The following DLG2 variants were observed in gnomAD, a reference collection of about 807,000 sequenced individuals.
The protein encoded by DLG2 is disks large homolog 2.
DLG2 carries 45 observed loss-of-function variants against 132.5 expected under a neutral mutation model. The ratio of observed to expected loss-of-function variants is 0.34; its 90% CI spans 0.27 to 0.44. The LOEUF is 0.44. DLG2 is among the 20% of genes least tolerant of loss of function. The pLI is 1.00. For missense variants in DLG2, 1,045 were observed against 1,196.9 expected (o/e 0.87, Z 1.87); for synonymous variants, 424 against 419.6 (o/e 1.01, Z -0.13).
chr11:84,434,172 C>T (rs1211529878), intron 7 of DLG2, among the ~76,000 whole-genome samples: 1 of 150,014 alleles, frequency 6.7e-6, no homozygotes, highest in African/African-American at 2.5e-5. Context: ...CTACACTTAA[C>T]CAATGATAGA....
intron 6 of DLG2, among the ~76,000 whole-genome samples, chr11:84,693,672 C>T (rs1240027867): frequency 2.6e-5 from 4 of 151,656 alleles, no homozygotes; most frequent in Admixed American, 2.6e-4. Context: ...TCTCACCTGG[C>T]TTATACACTC....
At chr11:84,538,568 C>G (rs2099360869) in intron 6 of DLG2, among the ~76,000 whole-genome samples, 1 of 152,048 alleles carries the variant, frequency 6.6e-6, no homozygotes, top group African/African-American at 2.4e-5. Context: ...TATTTCTGCA[C>G]AGTTCCTTTG....
intron 4 of DLG2, among the ~76,000 whole-genome samples, chr11:85,167,586 C>T (rs1167094011): frequency 6.6e-6 from 1 of 152,082 alleles, no homozygotes; most frequent in Non-Finnish European, 1.5e-5. Flanking sequence ...ACAAGAAGAA[C>T]CTGAACAAAC....
intron 10 of DLG2, among the ~76,000 whole-genome samples, chr11:84,087,453 T>C (rs34846175): frequency 0.035 from 5,309 of 152,302 alleles, 143 homozygotes; most frequent in Non-Finnish European, 0.055. Context: ...CATATCTTAT[T>C]TGAATAAATA....
chr11:84,136,524 T>C (rs74662577), intron 9 of DLG2, among the ~76,000 whole-genome samples: 3 of 152,264 alleles, frequency 2.0e-5, no homozygotes, highest in Non-Finnish European at 4.4e-5. Flanking sequence ...CTATTCTATC[T>C]AGTGAATAAT....
chr11:84,091,632 A>G (rs557064615), intron 10 of DLG2, among the ~76,000 whole-genome samples: 8 of 152,350 alleles, frequency 5.3e-5, no homozygotes, highest in Non-Finnish European at 8.8e-5. Context: ...TGTCTATATT[A>G]GTTTCTTGTT....
intron 4 of DLG2, among the ~76,000 whole-genome samples, chr11:85,248,026 TATTGCCAATGTACTCCCTGTC>T (rs1301691926): frequency 1.3e-5 from 2 of 152,084 alleles, no homozygotes; most frequent in Non-Finnish European, 2.9e-5. Flanking sequence ...ACCACTATAT[TATTGCCAATGTACTCCCTGTC>T]ATTCCATCCT....
chr11:84,741,056 CTTTTTTTT>C (rs1163275954), intron 6 of DLG2, among the ~76,000 whole-genome samples: 7 of 79,328 alleles, frequency 8.8e-5, no homozygotes, highest in African/African-American at 1.7e-4. Flanking sequence ...TGCCTATGCT[CTTTTTTTT>C]TTTTTTTTTT....
chr11:85,177,286 T>A (rs573672552), intron 4 of DLG2, among the ~76,000 whole-genome samples: 5 of 136,404 alleles, frequency 3.7e-5, no homozygotes, highest in Non-Finnish European at 7.7e-5. Context: ...TATATACATA[T>A]ACACACACAC....
intron 6 of DLG2, among the ~76,000 whole-genome samples, chr11:84,990,632 T>C (rs2056989272): frequency 6.7e-6 from 1 of 148,814 alleles, no homozygotes; most frequent in Non-Finnish European, 1.5e-5. Context: ...CTTAGAGAAA[T>C]GCAAATTAAA....
chr11:85,463,609 A>T (rs1286030590), intron 3 of DLG2, among the ~76,000 whole-genome samples: 6 of 152,126 alleles, frequency 3.9e-5, no homozygotes, highest in Admixed American at 3.3e-4. Context: ...TCTATAAAAA[A>T]ATTTTTTTTA....
rs140870746 is a variant in DLG2 at position 83,817,732 on chromosome 11, T to C, written c.1722+15882A>G. ...TCTTAGAAATATTTTAAAAATTAGC[T>C]GTGTATGGTGATGCATGTTCATAGT... On this transcript the variant is annotated intron_variant, in intron 17 of 27. Coordinates refer to ENST00000376104, the MANE Select transcript of DLG2 (RefSeq NM_001142699.3). Among the ~76,000 whole-genome samples the C allele has an allele frequency of 9.5e-3, 1,448 of 152,088 alleles. 13 individuals carry two copies. Among genetic ancestry groups the C allele is most frequent in the Non-Finnish European group, 0.017 (1,161 of 67,982 alleles).
intron 10 of DLG2, among the ~76,000 whole-genome samples, chr11:84,072,383 C>T (rs2096770765): frequency 1.3e-5 from 2 of 152,186 alleles, no homozygotes; most frequent in South Asian, 4.1e-4. Flanking sequence ...AAATGCATAT[C>T]CTGAAGTAGC....
intron 6 of DLG2, among the ~76,000 whole-genome samples, chr11:84,689,601 TTC>T (rs1363631683): frequency 2.0e-5 from 3 of 152,238 alleles, no homozygotes; most frequent in African/African-American, 7.2e-5. Context: ...TTGTAATTAA[TTC>T]TGTTTTACCC....
At chr11:85,348,630 T>C (rs561405173) in intron 3 of DLG2, among the ~76,000 whole-genome samples, 13 of 152,168 alleles carry the variant, frequency 8.5e-5, no homozygotes, top group Admixed American at 6.5e-4. Context: ...CTTTCCCCCC[T>C]CCATGATTAC....
chr11:83,889,575 A>C (rs2069046658), intron 15 of DLG2, among the ~76,000 whole-genome samples: 2 of 152,206 alleles, frequency 1.3e-5, no homozygotes, highest in South Asian at 4.1e-4. Context: ...TAGAACTAGA[A>C]GCATGCCATT....
intron 21 of DLG2, among the ~76,000 whole-genome samples, chr11:83,494,464 T>C (rs1485127142): frequency 6.6e-6 from 1 of 151,702 alleles, no homozygotes; most frequent in Non-Finnish European, 1.5e-5. Context: ...CCTGAGGCTA[T>C]TTCAGAAACA....
At chr11:85,390,825 A>G (rs1445200702) in intron 3 of DLG2, among the ~76,000 whole-genome samples, 1 of 152,100 alleles carries the variant, frequency 6.6e-6, no homozygotes, top group African/African-American at 2.4e-5. Flanking sequence ...TTAAATGCCT[A>G]TATCAAAAAG....
intron 4 of DLG2, among the ~76,000 whole-genome samples, chr11:85,159,676 C>G (rs2077876336): frequency 6.6e-6 from 1 of 152,198 alleles, no homozygotes; most frequent in Admixed American, 6.5e-5. Flanking sequence ...AGCAAATTAA[C>G]TCCTGGTACC....
Sources: gnomAD v4.1 joint callset for allele counts (sites outside exome capture counted in the v4.1 genomes callset) on GRCh38, gnomAD v4.1.1 for gene constraint, MANE v1.5 for transcripts, NCBI Gene and HGNC (gene_info 2026-07-23, HGNC 2026-07-21) for gene names.